RNF6: variants seen among roughly 807,000 people sequenced by gnomAD.
The protein encoded by RNF6 is E3 ubiquitin-protein ligase RNF6.
RNF6 carries 21 observed loss-of-function variants against 50.1 expected under a neutral mutation model. The observed-to-expected ratio is 0.42, with a 90% confidence interval of 0.30 to 0.60. RNF6 has a LOEUF of 0.60. RNF6 is among the 20% of genes least tolerant of loss of function. The probability of loss-of-function intolerance (pLI) is 0.20; values close to 1 mark genes in which losing one functional copy is unlikely to be tolerated. For synonymous variants in RNF6, 255 were observed against 291.8 expected, an observed-to-expected ratio of 0.87 and a Z score of 1.29; for missense variants, 698 against 838.2, an observed-to-expected ratio of 0.83 and a Z score of 2.07.
chr13:26,186,331 C>G (rs978294240), intron 5 of RNF6, among the ~76,000 whole-genome samples: 1 of 152,250 alleles, frequency 6.6e-6, no homozygotes, highest in African/African-American at 2.4e-5. Context: ...GTTAAAAACC[C>G]AGACCGGGAG....
chr13:26,156,540 T>C (rs559693589), intron 5 of RNF6, among the ~76,000 whole-genome samples: 1 of 152,344 alleles, frequency 6.6e-6, no homozygotes, highest in African/African-American at 2.4e-5. Flanking sequence ...TTGTGTGTTA[T>C]CAAACCCTGT....
intron 5 of RNF6, among the ~76,000 whole-genome samples, chr13:26,153,155 G>GAA (rs1164575168): frequency 5.9e-5 from 4 of 67,730 alleles, no homozygotes; most frequent in African/African-American, 1.7e-4. Context: ...TCTGTCTCAA[G>GAA]AAAAGAAAAA....
intron 5 of RNF6, among the ~76,000 whole-genome samples, chr13:26,147,409 T>G (rs984227969): frequency 4.6e-5 from 7 of 152,212 alleles, no homozygotes; most frequent in Non-Finnish European, 1.0e-4. Context: ...AATGTTAGGT[T>G]AATATTTTCA....
chr13:26,142,219 C>CA, intron 5 of RNF6: 1 of 152,076 alleles, frequency 6.6e-6, no homozygotes, highest in South Asian at 2.1e-4. Context: ...ATTAAAAAGT[C>CA]AAAAAACAAC....
At position 26,170,034 on chromosome 13, in the gene RNF6, G is replaced by A. The variant is rs150259394; in HGVS notation, n.769-37583C>T. 7.0e-4 allele frequency among the ~76,000 whole-genome samples: 107 copies of A among 152,274 alleles called. 1 individual carries two copies. Among genetic ancestry groups the A allele is most frequent in the African/African-American group, 2.5e-3 (105 of 41,564 alleles). On this transcript the variant is annotated intron_variant and non_coding_transcript_variant, in intron 5 of 5. Transcript: ENST00000468480. ...TCTTTTTTTGCAAAAAGATTAAAGTGAGTTTTGTTTGTTTTTGATGACAAA... is the reference window on the plus strand; with the variant it reads ...TCTTTTTTTGCAAAAAGATTAAAGTAAGTTTTGTTTGTTTTTGATGACAAA...
At chr13:26,151,554 C>T (rs941359890) in intron 5 of RNF6, among the ~76,000 whole-genome samples, 1 of 152,016 alleles carries the variant, frequency 6.6e-6, no homozygotes, top group Admixed American at 6.5e-5. Flanking sequence ...CGAGCCACCG[C>T]GCCCGGCCCA....
At chr13:26,147,591 C>T (rs531950237) in intron 5 of RNF6, among the ~76,000 whole-genome samples, 41 of 152,272 alleles carry the variant, frequency 2.7e-4, no homozygotes, top group African/African-American at 9.4e-4. Flanking sequence ...AGTCAATGTC[C>T]TCAGCTTCAT....
downstream of RNF6, among the ~76,000 whole-genome samples, chr13:26,210,620 GAATTA>G (rs372130060): frequency 6.6e-6 from 1 of 152,134 alleles, no homozygotes; most frequent in African/African-American, 2.4e-5. Context: ...TCTTTAGGAG[GAATTA>G]AATTAGACTG....
intron 5 of RNF6, among the ~76,000 whole-genome samples, chr13:26,139,044 T>A (rs1247234671): frequency 6.6e-6 from 1 of 152,204 alleles, no homozygotes; most frequent in Admixed American, 6.5e-5. Flanking sequence ...GTATCTTATA[T>A]GTTTCGACAT....
intron 5 of RNF6, among the ~76,000 whole-genome samples, chr13:26,162,728 A>G (rs996702421): frequency 3.3e-5 from 5 of 152,238 alleles, no homozygotes; most frequent in Non-Finnish European, 7.3e-5. Context: ...TTAGTATGAG[A>G]TATTAACAAA....
chr13:26,199,148 A>T (rs11149433), intron 5 of RNF6, among the ~76,000 whole-genome samples: 9,319 of 150,762 alleles, frequency 0.062, 1,068 homozygotes, highest in African/African-American at 0.22. Context: ...ATGAAAATGC[A>T]AAGGACCTAG....
At chr13:26,215,913 A>G (rs1222806229) in intron 4 of RNF6, among the ~76,000 whole-genome samples, 1 of 152,250 alleles carries the variant, frequency 6.6e-6, no homozygotes, top group Admixed American at 6.5e-5. Flanking sequence ...GTCCACTACC[A>G]AAAGTTTACA....
At position 26,213,298 on chromosome 13, in the gene RNF6, A is replaced by G. The variant is rs1486640890; in HGVS notation, c.*526T>C. The G allele has an allele frequency of 1.3e-5, 2 of 152,728 alleles. No individual in the cohort carries two copies. Among genetic ancestry groups the G allele is most frequent in the African/African-American group, 4.8e-5 (2 of 41,446 alleles). 9.5% of individuals were successfully genotyped at this position (152,728 alleles called of 1,614,324 possible). A position where few individuals can be genotyped will look rare whatever the true frequency, so the allele number is the denominator to read the frequency against. On this transcript the variant is annotated 3_prime_UTR_variant, in exon 5 of 5. Transcript: ENST00000381588. ...ATTTTAACCTTAAAATTATATACCT[A>G]TATATACACCTATGGTATGCTGCAT...
intron 5 of RNF6, among the ~76,000 whole-genome samples, chr13:26,141,614 AAAAC>A (rs1183133469): frequency 3.3e-5 from 5 of 152,184 alleles, no homozygotes; most frequent in Non-Finnish European, 4.4e-5. Context: ...AAAGTCAACA[AAAAC>A]AAACAATGGG....
chr13:26,147,851 T>C (rs1417993741), intron 5 of RNF6, among the ~76,000 whole-genome samples: 1 of 152,224 alleles, frequency 6.6e-6, no homozygotes, highest in African/African-American at 2.4e-5. Flanking sequence ...AGCTGGAAAT[T>C]CAAATCCCTG....
At chr13:26,175,902 A>G (rs954929934) in intron 5 of RNF6, among the ~76,000 whole-genome samples, 2 of 152,140 alleles carry the variant, frequency 1.3e-5, no homozygotes, top group Non-Finnish European at 2.9e-5. Context: ...ATGTAGTATC[A>G]GTATGTTTGA....
At chr13:26,177,756 G>T (rs1414147936) in intron 5 of RNF6, among the ~76,000 whole-genome samples, 2 of 152,168 alleles carry the variant, frequency 1.3e-5, no homozygotes, top group Non-Finnish European at 2.9e-5. Context: ...TACCATCTCT[G>T]CCAAAAGGCT....
rs368650332 is a variant in RNF6 at position 26,215,241 on chromosome 13, C to G, written c.641G>C (p.Arg214Thr). The G allele has an allele frequency of 5.8e-5, 94 of 1,614,216 alleles. No homozygotes were observed. The African/African-American group carries it at 1.1e-3, about 18-fold the overall frequency. The change falls in exon 5 of 5, where the codon AGG becomes ACG. Residue 214 changes from arginine (R) to threonine (T), a missense_variant. By Grantham distance (71) the Arg-to-Thr change is moderately conservative. Coordinates refer to ENST00000381588, the MANE Select transcript of RNF6 (RefSeq NM_005977.4). ...NFNGSSSNIP[R>T]TRLASRGQNP... ...TTGCCCCCTTGAAGCAAGCCTAGTC[C>G]TTGGAATGTTGGAACTACTACCATT...
intron 5 of RNF6, among the ~76,000 whole-genome samples, chr13:26,183,943 C>T (rs506272): frequency 0.99 from 140,356 of 141,082 alleles, 69,818 homozygotes; most frequent in Middle Eastern, 1. Context: ...TATAATTATT[C>T]ATATATATAC....
Sources: allele counts gnomAD v4.1 joint callset (sites outside exome capture counted in the v4.1 genomes callset), GRCh38; gene constraint gnomAD v4.1.1; transcripts MANE v1.5; gene names NCBI Gene and HGNC (gene_info 2026-07-23, HGNC 2026-07-21).